Variants in KCNU1 observed in about 807,000 individuals in gnomAD.
KCNU1 encodes potassium calcium-activated channel subfamily U member 1.
A neutral mutation model predicts 126.8 loss-of-function variants in KCNU1; 93 were observed. The ratio of observed to expected loss-of-function variants is 0.73; its 90% CI spans 0.62 to 0.87. The LOEUF (loss-of-function observed/expected upper bound fraction) is 0.87. Among genes scored for constraint, KCNU1 ranks in the 40% least tolerant of loss-of-function variants. The probability of loss-of-function intolerance (pLI) is 0.00; values close to 1 mark genes in which losing one functional copy is unlikely to be tolerated. For synonymous variants in KCNU1, 523 were observed against 494.2 expected, an observed-to-expected ratio of 1.06 and a Z score of -0.77; for missense variants, 1,330 against 1,367.1, an observed-to-expected ratio of 0.97 and a Z score of 0.43.
intron 19 of KCNU1, chr8:36,888,975 T>C (rs992445103): frequency 5.0e-6 from 2 of 399,454 alleles, no homozygotes; most frequent in Non-Finnish European, 1.0e-5. Context: ...GCCTCCTTTG[T>C]TCAAGTGATT....
At chr8:36,886,631 C>T (rs968103850) in intron 19 of KCNU1, among the ~76,000 whole-genome samples, 1 of 152,056 alleles carries the variant, frequency 6.6e-6, no homozygotes. Flanking sequence ...CCATGTTTAC[C>T]TTGGGGTGGA....
At position 36,931,104 on chromosome 8, in the gene KCNU1, G is replaced by A; in HGVS notation, c.2890G>A (p.Gly964Arg). Residue 964 changes from glycine to arginine, a missense_variant, in exon 25 of 27, where the codon GGG (glycine) becomes AGG (arginine). Coordinates refer to ENST00000399881, the MANE Select transcript of KCNU1 (RefSeq NM_001031836.3). ...GTCTGGAAGAAACCGGTGTAAGCTG[G>A]GGCTTCTGTCCTTACACGAAACCAT... ...LLSGRNRCKL[G>R]LLSLHETILS... 1.9e-6 allele frequency: 3 copies of A among 1,611,286 alleles called. No homozygotes were observed. The highest frequency in any genetic ancestry group is 2.5e-6 in the Non-Finnish European group (3 of 1,178,532).
chr8:36,898,060 G>T (rs1369064019), intron 19 of KCNU1, among the ~76,000 whole-genome samples: 2 of 151,880 alleles, frequency 1.3e-5, no homozygotes, highest in Non-Finnish European at 2.9e-5. Context: ...TAAAGTTTGT[G>T]GTCCTCAATG....
chr8:36,902,519 C>T (rs1001772138), intron 19 of KCNU1, among the ~76,000 whole-genome samples: 2 of 152,042 alleles, frequency 1.3e-5, no homozygotes, highest in Non-Finnish European at 2.9e-5. Context: ...GGGCAGACAG[C>T]AGGGAACCAC....
intron 19 of KCNU1, among the ~76,000 whole-genome samples, chr8:36,902,054 AG>A (rs1342637754): frequency 6.6e-6 from 1 of 152,138 alleles, no homozygotes; most frequent in Non-Finnish European, 1.5e-5. Context: ...ACATTTGCAA[AG>A]CATATGGCAG....
intron 24 of KCNU1, among the ~76,000 whole-genome samples, chr8:36,925,043 C>T (rs192964979): frequency 6.6e-6 from 1 of 152,158 alleles, no homozygotes; most frequent in African/African-American, 2.4e-5. Flanking sequence ...CCTCCCACCA[C>T]TCAGCACCTG....
intron 24 of KCNU1, among the ~76,000 whole-genome samples, chr8:36,924,817 T>A (rs1808480254): frequency 6.6e-6 from 1 of 152,150 alleles, no homozygotes; most frequent in African/African-American, 2.4e-5. Context: ...TCTTCAGAGA[T>A]CCTTAGATGT....
At chr8:36,870,788 A>T (rs1342985932) in intron 19 of KCNU1, among the ~76,000 whole-genome samples, 1 of 152,288 alleles carries the variant, frequency 6.6e-6, no homozygotes, top group South Asian at 2.1e-4. Context: ...TGGTTCTTTC[A>T]TTCATATAAG....
At chr8:36,907,157 C>T (rs1009245162) in intron 20 of KCNU1, among the ~76,000 whole-genome samples, 3 of 152,096 alleles carry the variant, frequency 2.0e-5, no homozygotes, top group Admixed American at 2.0e-4. Flanking sequence ...AAATGTGAGC[C>T]TCTAGGAAAG....
intron 2 of KCNU1, among the ~76,000 whole-genome samples, chr8:36,799,818 G>T (rs931097858): frequency 1.3e-5 from 2 of 151,906 alleles, no homozygotes; most frequent in East Asian, 1.9e-4. Context: ...TGGGATTACA[G>T]GCATTAGTCA....
At chr8:36,882,531 C>G (rs766845254) in intron 19 of KCNU1, among the ~76,000 whole-genome samples, 35 of 152,250 alleles carry the variant, frequency 2.3e-4, no homozygotes, top group Admixed American at 7.2e-4. Flanking sequence ...TAAACCCCAT[C>G]GTCCTCACCA....
intron 23 of KCNU1, among the ~76,000 whole-genome samples, chr8:36,919,152 A>G (rs1170738843): frequency 6.6e-6 from 1 of 152,082 alleles, no homozygotes; most frequent in African/African-American, 2.4e-5. Context: ...GGGACCAGCA[A>G]CTAGCTTAGT....
At chr8:36,879,238 T>TATATATATATAC (rs1216880068) in intron 19 of KCNU1, among the ~76,000 whole-genome samples, 96 of 139,274 alleles carry the variant, frequency 6.9e-4, no homozygotes, top group South Asian at 3.5e-3. Context: ...TATATATATA[T>TATATATATATAC]ACACACACAT....
At position 36,845,580 on chromosome 8, in the gene KCNU1, TG is replaced by T; in HGVS notation, c.1706del (p.Gly569ValfsTer2). The part of the protein sequence containing the change: ...YKSLFTDGFC[G>X]LILNPPPQVR... ...CCATGTGTTTATTTTTTGTTTCCAG[TG>T]GTCTGATACTAAATCCACCTCCACA... On this transcript the variant is annotated frameshift_variant and splice_region_variant, in exon 17 of 27. Transcript: ENST00000399881. LOFTEE classifies it high-confidence loss of function. 6.3e-7 allele frequency: 1 copy of T among 1,584,882 alleles called. No individual in the cohort carries two copies. Among genetic ancestry groups the T allele is most frequent in the Non-Finnish European group, 8.7e-7 (1 of 1,155,630 alleles).
At chr8:36,831,491 G>T (rs1327973754) in intron 10 of KCNU1, among the ~76,000 whole-genome samples, 1 of 152,152 alleles carries the variant, frequency 6.6e-6, no homozygotes, top group Non-Finnish European at 1.5e-5. Flanking sequence ...GTTTGGATTT[G>T]CATTTCTCTG....
intron 10 of KCNU1, among the ~76,000 whole-genome samples, chr8:36,829,571 TA>T (rs1230647567): frequency 8.7e-5 from 13 of 150,178 alleles, no homozygotes; most frequent in East Asian, 6.3e-4. Flanking sequence ...TTTTACCTTT[TA>T]TTTTTTTTTA....
intron 18 of KCNU1, among the ~76,000 whole-genome samples, chr8:36,853,675 G>T (rs969647999): frequency 2.0e-5 from 3 of 152,010 alleles, no homozygotes; most frequent in African/African-American, 7.3e-5. Flanking sequence ...CTAATACATG[G>T]TCTATCCTGG....
At chr8:36,797,997 G>C (rs76802618) in intron 2 of KCNU1, among the ~76,000 whole-genome samples, 1,559 of 152,298 alleles carry the variant, frequency 0.01, 20 homozygotes, top group African/African-American at 0.036. Flanking sequence ...GAAGCCTAGA[G>C]GTCAGAAAAG....
chr8:36,869,146 C>A (rs540800777), intron 19 of KCNU1, among the ~76,000 whole-genome samples: 11 of 152,212 alleles, frequency 7.2e-5, no homozygotes, highest in Non-Finnish European at 1.6e-4. Context: ...AACACCATAA[C>A]CACAATAAAT....
Sources: gnomAD v4.1 joint callset for allele counts (sites outside exome capture counted in the v4.1 genomes callset) on GRCh38, gnomAD v4.1.1 for gene constraint, MANE v1.5 for transcripts, NCBI Gene and HGNC (gene_info 2026-07-23, HGNC 2026-07-21) for gene names.